The following NTAN1 variants were observed in gnomAD, a reference collection of about 807,000 sequenced individuals.
NTAN1 encodes the protein N-terminal asparagine amidase.
NTAN1 carries 32 observed loss-of-function variants against 41.9 expected under a neutral mutation model. That is an observed-to-expected ratio of 0.76 (90% CI 0.58 to 1.03). The LOEUF (loss-of-function observed/expected upper bound fraction) is 1.03, where lower values mean the gene tolerates loss of function less well. NTAN1 is among the 50% of genes least tolerant of loss of function. The pLI, the probability that NTAN1 is intolerant of heterozygous loss-of-function variation, is 0.00. For synonymous variants in NTAN1, 140 were observed against 139.5 expected (o/e 1.00, Z -0.03); for missense variants, 377 against 377.5 (o/e 1.00, Z 0.01).
At chr16:15,054,018 C>CT in intron 1 of NTAN1, among the ~76,000 whole-genome samples, 1 of 152,350 alleles carries the variant, frequency 6.6e-6, no homozygotes, top group South Asian at 2.1e-4. Flanking sequence ...ATTTGGTCAT[C>CT]TGGGTACAAT....
chr16:15,053,555 CT>C (rs1311202901), intron 1 of NTAN1, among the ~76,000 whole-genome samples: 3 of 152,052 alleles, frequency 2.0e-5, no homozygotes, highest in East Asian at 1.9e-4. Context: ...TGTAGTCATA[CT>C]TTTTTTTCTG....
At chr16:15,038,548 G>C (rs988003944) in intron 9 of NTAN1, 26 bp downstream of exon 9, 5 of 1,271,730 alleles carry the variant, frequency 3.9e-6, no homozygotes, top group African/African-American at 1.5e-5. Flanking sequence ...AGAGATTTAA[G>C]ACTTACCCAG....
chr16:15,041,319 A>G lies in NTAN1; in HGVS notation c.488-198T>C, dbSNP rs145060741. Among the ~76,000 whole-genome samples, 4 of 152,258 alleles carry G rather than the reference A, an allele frequency of 2.6e-5. No individual in the cohort carries two copies. The East Asian group carries it at 7.7e-4, about 29-fold the overall frequency. On this transcript the variant is annotated intron_variant, in intron 6 of 9. Coordinates refer to ENST00000287706, the MANE Select transcript of NTAN1 (RefSeq NM_173474.4). ...TTATACTGAACAAACTGGCAGCTGC[A>G]GAATCGGTCCCCACTCCCACCCCAC...
intron 4 of NTAN1, chr16:15,044,753 G>A (rs1037015214): frequency 2.3e-5 from 6 of 258,888 alleles, no homozygotes; most frequent in Admixed American, 2.1e-4. Context: ...GGAGGCTGAG[G>A]TGGGCGGATC....
intron 1 of NTAN1, 67 bp downstream of exon 1, chr16:15,055,824 G>T: frequency 1.2e-6 from 1 of 865,772 alleles, no homozygotes; most frequent in South Asian, 5.7e-5. Flanking sequence ...CGCGTGAGGG[G>T]GGCGCTAGCC....
chr16:15,039,835 G>A, intron 8 of NTAN1, 134 bp downstream of exon 8: 1 of 661,754 alleles, frequency 1.5e-6, no homozygotes. Flanking sequence ...GTATATGTAT[G>A]TGCTGGTCCC....
intron 6 of NTAN1, among the ~76,000 whole-genome samples, 178 bp downstream of exon 6, chr16:15,041,445 G>C (rs2043812113): frequency 6.6e-6 from 1 of 152,122 alleles, no homozygotes; most frequent in Non-Finnish European, 1.5e-5. Flanking sequence ...CTGAGGCTCG[G>C]CAGATGGTGG....
chr16:15,055,972 C>G lies in NTAN1; in HGVS notation c.-1G>C, dbSNP rs991998119. ...GCCGCCCCTCGACGAGCAGCGGCAT[C>G]GCGGAGGCGGCCGCCCAGGCAGGCC... On this transcript the variant is annotated 5_prime_UTR_variant, in exon 1 of 10. Transcript: ENST00000287706. 4.1e-6 allele frequency: 5 copies of G among 1,222,370 alleles called. No individual in the cohort carries two copies. Among genetic ancestry groups the G allele is most frequent in the Admixed American group, 4.3e-5 (1 of 23,332 alleles). The allele number at this position is 1,222,370 out of a possible 1,614,324, so 75.7% of individuals were successfully genotyped here.
chr16:15,050,545 C>T (rs1191881797), intron 1 of NTAN1, among the ~76,000 whole-genome samples: 1 of 152,042 alleles, frequency 6.6e-6, no homozygotes, highest in African/African-American at 2.4e-5. Flanking sequence ...CCAGCCTGGG[C>T]AACAAGGAAG....
In NTAN1 at chr16:15,041,770, C is replaced by G. The variant is rs1363726990; in HGVS notation, c.434-94G>C. ...AGCCAACGACAGGGAGGGACGGCAG[C>G]CAACTGAGTGTGCTCCGCCCTACAG... On this transcript the variant is annotated intron_variant, in intron 5 of 9. Coordinates refer to ENST00000287706, the MANE Select transcript of NTAN1 (RefSeq NM_173474.4). The G allele has an allele frequency of 6.7e-6, 6 of 893,622 alleles. 1 individual carries two copies. The highest frequency in any genetic ancestry group is 5.3e-5 in the South Asian group (4 of 76,172). The allele number at this position is 893,622 out of a possible 1,614,324, so 55.4% of individuals were successfully genotyped here.
intron 9 of NTAN1, 146 bp downstream of exon 9, chr16:15,038,428 G>A (rs1031475771): frequency 1.6e-6 from 1 of 627,880 alleles, no homozygotes; most frequent in Non-Finnish European, 2.8e-6. Context: ...TGATATACAA[G>A]TTAAATGGGG....
Position 15,041,109 on chromosome 16 carries a change from C to T in NTAN1, c.500G>A (p.Arg167Gln), listed in dbSNP as rs749394308. The T allele has an allele frequency of 2.4e-5, 38 of 1,569,676 alleles. No individual in the cohort carries two copies. The highest frequency in any genetic ancestry group is 2.7e-5 in the African/African-American group (2 of 74,070). ...TGGAAAGTGGTTTTCGTTTTCTTCC[C>T]GGTCATTTAATTCTACAAAATAAGA... ...VTLCVTELND[R>Q]EENENHFPVI... The change falls in exon 7 of 10, where the codon CGG becomes CAG. Residue 167 changes from arginine to glutamine, a missense_variant. Physicochemically the swap from Arg to Gln is conservative, Grantham distance 43. Transcript: ENST00000287706.
chr16:15,038,309 A>ATAAT (rs1794045581), intron 9 of NTAN1, 99 bp from the exon 10 acceptor site: 2 of 847,686 alleles, frequency 2.4e-6, no homozygotes, highest in Admixed American at 5.7e-5. Context: ...ACAAATATAT[A>ATAAT]TAATAAAATA....
At chr16:15,038,442 G>C (rs990051391) in intron 9 of NTAN1, 132 bp downstream of exon 9, 11 of 640,132 alleles carry the variant, frequency 1.7e-5, no homozygotes, top group Non-Finnish European at 2.5e-5. Context: ...AATGGGGTCT[G>C]TCAATGGCAT....
rs1135999 is a variant in NTAN1, at chr16:15,038,105, A to G, written c.859T>C (p.Ser287Pro). Residue 287 changes from serine to proline, a missense_variant, in exon 10 of 10, where the codon TCT becomes CCT. Ser to Pro is a moderately conservative substitution (Grantham distance 74). Transcript: ENST00000287706. Reference protein sequence around the residue: ...KHPSPAHTLFSGNKALLYKKN... With the variant: ...KHPSPAHTLFPGNKALLYKKN... ...TTGTAGAGTAGGGCTTTATTTCCAG[A>G]AAACAGTGTGTGAGCTGGAGATGGG... 501,919 of 1,605,130 alleles carry G rather than the reference A, an allele frequency of 0.31. 82,260 individuals are homozygous for G. The highest frequency in any genetic ancestry group is 0.51 in the Admixed American group (30,372 of 59,496).
At position 15,041,611 on chromosome 16, in the gene NTAN1, G is replaced by A. The variant is rs749329613; in HGVS notation, c.487+12C>T. The A allele has an allele frequency of 1.5e-5, 24 of 1,601,148 alleles. No homozygotes were observed. In the South Asian group the frequency reaches 2.2e-4, roughly 15 times the overall value. ...CCCACATCTTTGCTTTGGGGCAAAT[G>A]GCAGGACTTACCTGTCACACATAAT... On this transcript the variant is annotated intron_variant, in intron 6 of 9. Coordinates refer to ENST00000287706, the MANE Select transcript of NTAN1 (RefSeq NM_173474.4).
chr16:15,047,291 G>C, intron 4 of NTAN1, 151 bp downstream of exon 4: 1 of 631,982 alleles, frequency 1.6e-6, no homozygotes, highest in South Asian at 1.9e-5. Flanking sequence ...TGCTGACGCA[G>C]TGCCCACGTC....
At chr16:15,053,825 C>T (rs1341573841) in intron 1 of NTAN1, among the ~76,000 whole-genome samples, 1 of 152,146 alleles carries the variant, frequency 6.6e-6, no homozygotes, top group Non-Finnish European at 1.5e-5. Flanking sequence ...GCAGGAGAAT[C>T]GCTTGAACCT....
intron 4 of NTAN1, among the ~76,000 whole-genome samples, chr16:15,046,549 C>G (rs2044071846): frequency 6.6e-6 from 1 of 152,022 alleles, no homozygotes; most frequent in South Asian, 2.1e-4. Flanking sequence ...TGTGGGGGCA[C>G]CCAGGCTAGA....
Sources: gnomAD v4.1 joint callset for allele counts (sites outside exome capture counted in the v4.1 genomes callset) on GRCh38, gnomAD v4.1.1 for gene constraint, MANE v1.5 for transcripts, NCBI Gene and HGNC (gene_info 2026-07-23, HGNC 2026-07-21) for gene names.